Variants in ANKLE2 observed in about 807,000 individuals in gnomAD.
ANKLE2 encodes the protein ankyrin repeat and LEM domain containing 2.
Under a neutral mutation model 84.2 loss-of-function variants are expected in ANKLE2, and 55 were observed. The observed-to-expected ratio is 0.65, with a 90% confidence interval of 0.53 to 0.82. The LOEUF (loss-of-function observed/expected upper bound fraction) is 0.82, where lower values mean the gene tolerates loss of function less well. Among genes scored for constraint, ANKLE2 ranks in the 40% least tolerant of loss-of-function variants. The probability of loss-of-function intolerance (pLI) is 0.00; values close to 1 mark genes in which losing one functional copy is unlikely to be tolerated. For missense variants in ANKLE2, 1,238 were observed against 1,201.9 expected, an observed-to-expected ratio of 1.03 and a Z score of -0.44; for synonymous variants, 551 against 486.1, an observed-to-expected ratio of 1.13 and a Z score of -1.76.
intron 2 of ANKLE2, among the ~76,000 whole-genome samples, chr12:132,753,745 A>C (rs1221167687): frequency 6.6e-6 from 1 of 151,854 alleles, no homozygotes; most frequent in Non-Finnish European, 1.5e-5. Flanking sequence ...TGTCTCAAAA[A>C]AACAAAACAA....
chr12:132,740,276 A>C (rs568604336), intron 7 of ANKLE2, among the ~76,000 whole-genome samples: 12 of 152,322 alleles, frequency 7.9e-5, no homozygotes, highest in African/African-American at 2.6e-4. Context: ...AAGAAGTGTA[A>C]TTAATAAATT....
rs1421217065 is a variant in ANKLE2, at chr12:132,726,322, TCTA to T, written c.*917_*919del. ...AAGAAACCAAGATGGGACTCAAACC[TCTA>T]AATGCAACACTCTGCATACAGGAGA... On this transcript the variant is annotated 3_prime_UTR_variant, in exon 13 of 13. Transcript: ENST00000357997. 7 of 152,468 alleles carry T rather than the reference TCTA, an allele frequency of 4.6e-5. No individual in the cohort carries two copies. The highest frequency in any genetic ancestry group is 1.4e-4 in the African/African-American group (6 of 41,406). The allele number at this position is 152,468 out of a possible 1,614,324, so 9.4% of individuals were successfully genotyped here. A position where few individuals can be genotyped will look rare whatever the true frequency, so the allele number is the denominator to read the frequency against.
At chr12:132,737,223 T>C in intron 7 of ANKLE2, 158 bp from the exon 8 acceptor site, 1 of 638,768 alleles carries the variant, frequency 1.6e-6, no homozygotes, top group Non-Finnish European at 2.5e-6. Context: ...TCACTGCACT[T>C]AATGCAAATG....
chr12:132,734,366 C>T lies in ANKLE2; in HGVS notation c.1891+19G>A, dbSNP rs1291907477. 1 of 1,610,694 alleles carries T rather than the reference C, an allele frequency of 6.2e-7. No individual in the cohort carries two copies. The highest frequency in any genetic ancestry group is 1.7e-5 in the Admixed American group (1 of 58,810). On this transcript the variant is annotated intron_variant, in intron 10 of 12. Coordinates refer to ENST00000357997, the MANE Select transcript of ANKLE2 (RefSeq NM_015114.3). ...GGGGGCCCCTCCCAGCTGCCACAGC[C>T]ACGCCTGCACATGCTTACCAGACGT...
chr12:132,733,097 T>G (rs1409634262), intron 10 of ANKLE2, among the ~76,000 whole-genome samples: 5 of 115,944 alleles, frequency 4.3e-5, no homozygotes, highest in African/African-American at 1.4e-4. Context: ...CGTGTGAAGC[T>G]CTCTGCGTCC....
At chr12:132,727,651 G>A (rs1262865674) in intron 12 of ANKLE2, among the ~76,000 whole-genome samples, 1 of 147,440 alleles carries the variant, frequency 6.8e-6, no homozygotes, top group Non-Finnish European at 1.5e-5. Context: ...CCCGGGCGGA[G>A]GAGACACACT....
rs148051153 is a variant in ANKLE2, at chr12:132,737,145, G to T, written c.1421-80C>A. The T allele has an allele frequency of 4.0e-5, 58 of 1,458,430 alleles. No individual in the cohort carries two copies. The African/African-American group carries it at 6.9e-4, about 17-fold the overall frequency. The allele number at this position is 1,458,430 out of a possible 1,614,324, so 90.3% of individuals were successfully genotyped here. On this transcript the variant is annotated intron_variant, in intron 7 of 12. Transcript: ENST00000357997. ...CCTGGGTGAGCAGGACGGGGATCAC[G>T]CGAGCCCTTGCCAAGGCCTCTGCAA... is the stretch of plus-strand genomic sequence containing the variant.
intron 7 of ANKLE2, among the ~76,000 whole-genome samples, chr12:132,740,801 C>T (rs1017014327): frequency 1.1e-4 from 17 of 152,160 alleles, no homozygotes; most frequent in African/African-American, 2.9e-4. Flanking sequence ...TAGAAGAGGG[C>T]GGCCCAGAAA....
intron 11 of ANKLE2, among the ~76,000 whole-genome samples, chr12:132,728,747 G>A (rs146914762): frequency 0.012 from 1,837 of 152,302 alleles, 21 homozygotes; most frequent in Middle Eastern, 0.041. Flanking sequence ...CTGGGTGCAC[G>A]CCTGCATTCT....
chr12:132,746,209 C>T (rs2044234738), intron 5 of ANKLE2, among the ~76,000 whole-genome samples: 1 of 152,088 alleles, frequency 6.6e-6, no homozygotes, highest in African/African-American at 2.4e-5. Flanking sequence ...ATTAGCCAGG[C>T]ATGGTGGCGG....
At chr12:132,749,451 C>A (rs1293709862) in intron 3 of ANKLE2, among the ~76,000 whole-genome samples, 1 of 152,232 alleles carries the variant, frequency 6.6e-6, no homozygotes, top group African/African-American at 2.4e-5. Flanking sequence ...CCACCTCGCC[C>A]GGCCTGATTT....
intron 10 of ANKLE2, among the ~76,000 whole-genome samples, chr12:132,733,385 A>G (rs1383750535): frequency 6.9e-6 from 1 of 145,600 alleles, no homozygotes; most frequent in African/African-American, 2.6e-5. Context: ...GGTGTCTGAC[A>G]GGCACCGTGT....
chr12:132,741,701 A>G (rs1036094647), intron 6 of ANKLE2: 1 of 665,504 alleles, frequency 1.5e-6, no homozygotes, highest in African/African-American at 1.8e-5. Flanking sequence ...GATTATGGGT[A>G]AATTTACTTC....
At position 132,747,934 on chromosome 12, in the gene ANKLE2, G is replaced by C. The variant is rs1360731240; in HGVS notation, c.1128C>G (p.Asn376Lys). The C allele has an allele frequency of 6.2e-7, 1 of 1,601,094 alleles. No homozygotes were observed. The highest frequency in any genetic ancestry group is 1.7e-4 in the Middle Eastern group (1 of 6,012). Residue 376 changes from asparagine (N) to lysine (K), a missense_variant, in exon 5 of 13, where the codon AAC becomes AAG. Around this residue, in one of 3 missense-constraint regions of ANKLE2, gnomAD observed 802 missense variants for 774.5 expected, o/e 1.04. Coordinates refer to ENST00000357997, the MANE Select transcript of ANKLE2 (RefSeq NM_015114.3). The stretch of plus-strand genomic sequence containing the variant: ...GGTACATCAGCCTCATGAAGTCAGG[G>C]TTCTCCAGGACGTCCAGAGTCAGCT... ...ICQLTLDVLE[N>K]PDFMRLMYPD...
intron 3 of ANKLE2, 93 bp downstream of exon 3, chr12:132,750,550 A>G: frequency 2.1e-6 from 3 of 1,400,668 alleles, no homozygotes; most frequent in South Asian, 2.5e-5. Flanking sequence ...CCTCATGGAG[A>G]AAACAAGTTA....
At chr12:132,755,305 A>T (rs1046840552) in intron 1 of ANKLE2, 172 bp from the exon 2 acceptor site, 4 of 605,098 alleles carry the variant, frequency 6.6e-6, no homozygotes, top group Admixed American at 7.0e-5. Flanking sequence ...GCATTTTGGG[A>T]GGCTGAGGCG....
chr12:132,743,532 A>G lies in ANKLE2; in HGVS notation c.1231-256T>C, dbSNP rs2044174335. Among the ~76,000 whole-genome samples, 1 of 150,240 alleles carries G rather than the reference A, an allele frequency of 6.7e-6. No homozygotes were observed. Among genetic ancestry groups the G allele is most frequent in the Non-Finnish European group, 1.5e-5 (1 of 67,680 alleles). The stretch of plus-strand genomic sequence containing the variant: ...TTTTTTTTTTTTTTTAATATTTAGT[A>G]GAGATGGGGTTTCACCATATTGGTG... On this transcript the variant is annotated intron_variant, in intron 5 of 12. Transcript: ENST00000357997. This position sits in a 1 kb window ranked among gnomAD's most constrained non-coding sequence, Gnocchi z 4.1.
Position 132,743,292 on chromosome 12 carries a change from G to A in ANKLE2, c.1231-16C>T, listed in dbSNP as rs778345336. 2 of 1,584,980 alleles carry A rather than the reference G, an allele frequency of 1.3e-6. No individual in the cohort carries two copies. The highest frequency in any genetic ancestry group is 3.6e-5 in the Admixed American group (2 of 55,860). On this transcript the variant is annotated splice_polypyrimidine_tract_variant and intron_variant, in intron 5 of 12. Transcript: ENST00000357997. The surrounding 1 kb of genome is among the most constrained non-coding windows in gnomAD (Gnocchi z 4.1). ...TGTCATAGCCCTGAAAAAAGGTGCA[G>A]AGGAAGTACAATTATTCACACTTGT... is the stretch of plus-strand genomic sequence containing the variant.
At chr12:132,748,403 A>G in intron 3 of ANKLE2, 72 bp from the exon 4 acceptor site, 2 of 1,551,146 alleles carry the variant, frequency 1.3e-6, no homozygotes, top group Non-Finnish European at 1.8e-6. Flanking sequence ...GCACCCTCTG[A>G]TGAGGGATAA....
Sources: allele counts gnomAD v4.1 joint callset (sites outside exome capture counted in the v4.1 genomes callset), GRCh38; gene constraint gnomAD v4.1.1; regional missense constraint gnomAD v4.1.1; non-coding constraint Gnocchi (gnomAD v3.1); transcripts MANE v1.5; gene names NCBI Gene and HGNC (gene_info 2026-07-23, HGNC 2026-07-21).